Variants in USP50 observed in about 807,000 individuals in gnomAD.
USP50 encodes the protein ubiquitin specific peptidase 50.
Under a neutral mutation model 39.2 loss-of-function variants are expected in USP50, and 37 were observed. That is an observed-to-expected ratio of 0.94 (90% CI 0.73 to 1.24). The LOEUF (loss-of-function observed/expected upper bound fraction) is 1.24. USP50 is among the 50% of genes most tolerant of loss of function. USP50 has a pLI of 0.00. For synonymous variants in USP50, 139 were observed against 144.5 expected (o/e 0.96, Z 0.27); for missense variants, 374 against 398.2 (o/e 0.94, Z 0.52).
chr15:50,496,732 T>C (rs898278809), downstream of USP50, among the ~76,000 whole-genome samples: 2 of 152,208 alleles, frequency 1.3e-5, no homozygotes, highest in African/African-American at 2.4e-5. Flanking sequence ...ATCAAATAAA[T>C]ATCCTGTTTT....
intron 2 of USP50, 79 bp from the exon 3 acceptor site, chr15:50,543,872 T>A (rs2053050159): frequency 7.1e-7 from 1 of 1,405,940 alleles, no homozygotes; most frequent in Non-Finnish European, 9.8e-7. Flanking sequence ...AGGAAATTAG[T>A]CTCAAAATGG....
At position 50,510,224 on chromosome 15, in the gene USP50, C is replaced by T. The variant is rs2052719462; in HGVS notation, c.937-9387G>A. 3 of 152,038 alleles carry T rather than the reference C, an allele frequency of 2.0e-5. No homozygotes were observed. In the South Asian group the frequency reaches 6.2e-4, roughly 31 times the overall value. 9.4% of individuals were successfully genotyped at this position (152,038 alleles called of 1,614,324 possible). A position where few individuals can be genotyped will look rare whatever the true frequency, so the allele number is the denominator to read the frequency against. The stretch of plus-strand genomic sequence containing the variant: ...TATGCAGAAAAATGAAATTGAATCC[C>T]TAATTTATACTACATTTTTGTCAGA... On this transcript the variant is annotated intron_variant, in intron 6 of 6. Coordinates refer to ENST00000532404, the MANE Select transcript of USP50 (RefSeq NM_203494.5).
chr15:50,497,082 C>T (rs775060464), downstream of USP50: 4 of 1,582,878 alleles, frequency 2.5e-6, no homozygotes, highest in Middle Eastern at 1.7e-4. Context: ...TTGTTTTTTT[C>T]TGCCAGGATT....
At chr15:50,519,991 C>G (rs1314167639) in intron 6 of USP50, among the ~76,000 whole-genome samples, 1 of 152,042 alleles carries the variant, frequency 6.6e-6, no homozygotes, top group Non-Finnish European at 1.5e-5. Flanking sequence ...ATGTTTATTG[C>G]AGCACTATTC....
At chr15:50,533,782 C>T (rs2052959629) in intron 5 of USP50, among the ~76,000 whole-genome samples, 1 of 152,156 alleles carries the variant, frequency 6.6e-6, no homozygotes, top group African/African-American at 2.4e-5. Context: ...AGGTGGATCA[C>T]TTGAGGTCAG....
intron 6 of USP50, among the ~76,000 whole-genome samples, chr15:50,524,381 G>A (rs1316957674): frequency 1.3e-5 from 2 of 152,256 alleles, no homozygotes; most frequent in East Asian, 3.9e-4. Context: ...CATCTGATAA[G>A]CAGTTAATAT....
intron 6 of USP50, chr15:50,506,846 T>C (rs1367267716): frequency 2.7e-5 from 4 of 150,302 alleles, no homozygotes; most frequent in African/African-American, 9.9e-5. Context: ...TAGTCCCAGC[T>C]ACTCCGGAGG....
In USP50 at chr15:50,495,203, T is replaced by C. The variant is rs530278433; in HGVS notation, n.185-1073A>G. ...ACCACTGAACAGATATATATATATA[T>C]ACACACACACCTACACAAAAATATT... On this transcript the variant is annotated intron_variant and non_coding_transcript_variant, in intron 1 of 1. Transcript: ENST00000560159. Among the ~76,000 whole-genome samples, 202 of 149,058 alleles carry C rather than the reference T, an allele frequency of 1.4e-3. 3 individuals carry two copies. The Middle Eastern group carries it at 0.014, about 11-fold the overall frequency.
intron 6 of USP50, among the ~76,000 whole-genome samples, chr15:50,526,669 G>A (rs1450757538): frequency 2.6e-5 from 4 of 152,224 alleles, no homozygotes; most frequent in Admixed American, 6.5e-5. Flanking sequence ...GACACTACAA[G>A]GAGGCAGGTA....
chr15:50,529,441 T>C (rs1290273180), intron 6 of USP50, among the ~76,000 whole-genome samples: 1 of 151,916 alleles, frequency 6.6e-6, no homozygotes, highest in Non-Finnish European at 1.5e-5. Flanking sequence ...CGAGCTGGGA[T>C]TGCACCACTG....
intron 6 of USP50, among the ~76,000 whole-genome samples, chr15:50,526,409 G>A (rs570074784): frequency 1.1e-4 from 17 of 152,052 alleles, no homozygotes; most frequent in African/African-American, 4.1e-4. Context: ...TACTTACTCC[G>A]TTCAGATTCC....
At chr15:50,495,750 T>C, downstream of USP50, 3 of 966,902 alleles carry the variant, frequency 3.1e-6, no homozygotes. Context: ...ACTACAGGTG[T>C]TTCTAAATCT....
intron 6 of USP50, among the ~76,000 whole-genome samples, chr15:50,524,163 T>C (rs181974656): frequency 1.3e-5 from 2 of 152,292 alleles, no homozygotes; most frequent in East Asian, 3.9e-4. Flanking sequence ...CCTGAAACTA[T>C]AAAACAACTA....
chr15:50,535,601 A>G (rs1566910489), intron 5 of USP50, among the ~76,000 whole-genome samples: 1 of 152,240 alleles, frequency 6.6e-6, no homozygotes, highest in Non-Finnish European at 1.5e-5. Flanking sequence ...ACACAAGTCA[A>G]AGAAGATAGC....
intron 6 of USP50, chr15:50,506,568 A>G (rs777597530): frequency 4.6e-5 from 7 of 152,348 alleles, no homozygotes; most frequent in East Asian, 1.9e-4. Flanking sequence ...TAAGGCTAAC[A>G]TAAACACAAA....
chr15:50,541,663 C>A (rs1379136299), intron 3 of USP50, among the ~76,000 whole-genome samples: 1 of 151,932 alleles, frequency 6.6e-6, no homozygotes, highest in Non-Finnish European at 1.5e-5. Flanking sequence ...TCTGATAATT[C>A]AGATATTTTC....
intron 1 of USP50, chr15:50,494,318 T>G: frequency 6.4e-7 from 1 of 1,552,956 alleles, no homozygotes; most frequent in Non-Finnish European, 8.7e-7. Context: ...AGAGACTCTT[T>G]AGGGTTGCTC....
At chr15:50,498,816 G>A (rs768446762), downstream of USP50, 8 of 1,548,450 alleles carry the variant, frequency 5.2e-6, no homozygotes, top group Non-Finnish European at 6.1e-6. Context: ...GGAAGAGTAA[G>A]AACAACATAA....
chr15:50,520,464 G>A (rs1228848432), intron 6 of USP50, among the ~76,000 whole-genome samples: 1 of 151,900 alleles, frequency 6.6e-6, no homozygotes, highest in Non-Finnish European at 1.5e-5. Context: ...ACAATACCCA[G>A]CTAATGTTTA....
Sources: gnomAD v4.1 joint callset for allele counts (sites outside exome capture counted in the v4.1 genomes callset) on GRCh38, gnomAD v4.1.1 for gene constraint, MANE v1.5 for transcripts, NCBI Gene and HGNC (gene_info 2026-07-23, HGNC 2026-07-21) for gene names.